BORCS5: variants seen among roughly 807,000 people sequenced by gnomAD.
The protein encoded by BORCS5 is BLOC-1-related complex subunit 5.
In BORCS5, 17 loss-of-function variants were observed where a neutral mutation model predicts 22.1. The ratio of observed to expected loss-of-function variants is 0.77; its 90% CI spans 0.53 to 1.15. The LOEUF (loss-of-function observed/expected upper bound fraction) is 1.15, where lower values mean the gene tolerates loss of function less well. Among genes scored for constraint, BORCS5 ranks in the 50% most tolerant of loss-of-function variants. The pLI is 0.00. For synonymous variants in BORCS5, 117 were observed against 99.8 expected, an observed-to-expected ratio of 1.17 and a Z score of -1.03; for missense variants, 247 against 253.2, an observed-to-expected ratio of 0.98 and a Z score of 0.17.
chr12:12,367,740 G>A (rs529660567), intron 2 of BORCS5, among the ~76,000 whole-genome samples: 1 of 152,310 alleles, frequency 6.6e-6, no homozygotes, highest in African/African-American at 2.4e-5. Flanking sequence ...CTGTGTGCCT[G>A]CATCCATTCT....
In BORCS5 at chr12:12,462,660, T is replaced by TTGTATTTA. The variant is rs1555159381; in HGVS notation, c.361-2885_361-2884insGTATTTAT. Among the ~76,000 whole-genome samples the TTGTATTTA allele has an allele frequency of 2.6e-5, 4 of 150,952 alleles. No individual in the cohort carries two copies. The East Asian group carries it at 7.7e-4, about 29-fold the overall frequency. On this transcript the variant is annotated intron_variant, in intron 3 of 3. Transcript: ENST00000314565. ...CCTGTCTGAAGCTGGATTTATTTTATTTTATTTATTTTTGGAGATGGAGTC... is the reference window on the plus strand; with the variant it reads ...CCTGTCTGAAGCTGGATTTATTTTATTGTATTTATTTATTTATTTTTGGAGATGGAGTC...
intron 2 of BORCS5, among the ~76,000 whole-genome samples, chr12:12,433,840 C>T (rs2136122907): frequency 6.6e-6 from 1 of 152,304 alleles, no homozygotes; most frequent in South Asian, 2.1e-4. Context: ...AGAGCATCGA[C>T]CAGCATTTCC....
At chr12:12,426,277 C>T (rs986793889) in intron 2 of BORCS5, among the ~76,000 whole-genome samples, 4 of 152,186 alleles carry the variant, frequency 2.6e-5, no homozygotes, top group African/African-American at 7.2e-5. Flanking sequence ...GCTATATTGC[C>T]GAGGCTGGCT....
chr12:12,390,027 C>T (rs1941132000), intron 2 of BORCS5, among the ~76,000 whole-genome samples: 1 of 152,080 alleles, frequency 6.6e-6, no homozygotes. Context: ...TTTGCTTTCC[C>T]ACCTCTAAAC....
At chr12:12,437,332 G>A (rs1445676034) in intron 3 of BORCS5, among the ~76,000 whole-genome samples, 1 of 152,162 alleles carries the variant, frequency 6.6e-6, no homozygotes, top group African/African-American at 2.4e-5. Context: ...TGATTGTGAT[G>A]CCTCCCCAGC....
chr12:12,396,245 C>T (rs1941340047), intron 2 of BORCS5, among the ~76,000 whole-genome samples: 1 of 151,306 alleles, frequency 6.6e-6, no homozygotes, highest in South Asian at 2.1e-4. Flanking sequence ...CCTCGGCCTC[C>T]CGAAGTGCTA....
At chr12:12,360,748 TCTCA>T (rs538716411) in intron 1 of BORCS5, among the ~76,000 whole-genome samples, 56 of 151,392 alleles carry the variant, frequency 3.7e-4, no homozygotes, top group Non-Finnish European at 7.8e-4. Flanking sequence ...TGAGACAGAG[TCTCA>T]CTCTGTTGCC....
At chr12:12,399,113 C>G (rs1033013941) in intron 2 of BORCS5, among the ~76,000 whole-genome samples, 1 of 152,126 alleles carries the variant, frequency 6.6e-6, no homozygotes, top group African/African-American at 2.4e-5. Flanking sequence ...ATGTGTTTTA[C>G]AGTATTACTA....
At chr12:12,371,635 T>C (rs1476273264) in intron 2 of BORCS5, among the ~76,000 whole-genome samples, 2 of 152,198 alleles carry the variant, frequency 1.3e-5, no homozygotes, top group Admixed American at 1.3e-4. Flanking sequence ...CACACTAATA[T>C]GTTCTCTATG....
intron 3 of BORCS5, among the ~76,000 whole-genome samples, chr12:12,440,584 C>T (rs1456314402): frequency 4.4e-5 from 6 of 135,676 alleles, no homozygotes; most frequent in Non-Finnish European, 4.6e-5. Context: ...CTGGAGCAGA[C>T]GGGGTTTAAG....
chr12:12,445,473 ATTTCTATCTTGAACATGCATTGC>A (rs1231527923), intron 3 of BORCS5, among the ~76,000 whole-genome samples: 1 of 49,630 alleles, frequency 2.0e-5, no homozygotes, highest in Non-Finnish European at 4.5e-5. Context: ...ATTTTACAAG[ATTTCTATCTTGAACATGCATTGC>A]TTTTTTTTTT....
intron 3 of BORCS5, among the ~76,000 whole-genome samples, chr12:12,438,374 A>AAAAAAAAAAAAAAAAAAAAC (rs1555156024): frequency 1.6e-5 from 2 of 125,046 alleles, no homozygotes; most frequent in African/African-American, 7.5e-5. Flanking sequence ...AAAAAAAAAA[A>AAAAAAAAAAAAAAAAAAAAC]AAAAAACGAA....
At chr12:12,441,694 C>T (rs950270966) in intron 3 of BORCS5, among the ~76,000 whole-genome samples, 1 of 149,250 alleles carries the variant, frequency 6.7e-6, no homozygotes, top group African/African-American at 2.5e-5. Context: ...AGTATAAGCA[C>T]TAAATAGAGG....
At chr12:12,374,801 C>G (rs1010688773) in intron 2 of BORCS5, among the ~76,000 whole-genome samples, 1 of 151,374 alleles carries the variant, frequency 6.6e-6, no homozygotes, top group Admixed American at 6.6e-5. Flanking sequence ...CCACTAAAGA[C>G]AAAAAAATTA....
At position 12,380,391 on chromosome 12, in the gene BORCS5, T is replaced by G. The variant is rs142563302; in HGVS notation, c.202+19042T>G. Among the ~76,000 whole-genome samples the G allele has an allele frequency of 2.7e-3, 402 of 151,504 alleles. 8 individuals carry two copies. Among genetic ancestry groups the G allele is most frequent in the Non-Finnish European group, 4.2e-3 (287 of 67,686 alleles). ...GAAGATGGCTTGATCTAATCAGAGA[T>G]AAAAAGAGATGAATGAGGACCATAT... On this transcript the variant is annotated intron_variant, in intron 2 of 3. Coordinates refer to ENST00000314565, the MANE Select transcript of BORCS5 (RefSeq NM_058169.6).
At chr12:12,452,276 A>G in intron 3 of BORCS5, 1 of 785,096 alleles carries the variant, frequency 1.3e-6, no homozygotes, top group East Asian at 3.4e-5. Flanking sequence ...CAATTTGTGT[A>G]ACAATCCCAT....
At chr12:12,386,467 T>TTTTA (rs398018451) in intron 2 of BORCS5, among the ~76,000 whole-genome samples, 2 of 149,888 alleles carry the variant, frequency 1.3e-5, no homozygotes, top group African/African-American at 4.9e-5. Context: ...TTTTTTTTTT[T>TTTTA]ATTTGTTCTA....
intron 2 of BORCS5, among the ~76,000 whole-genome samples, chr12:12,415,017 T>C (rs1232895737): frequency 1.6e-5 from 2 of 122,162 alleles, no homozygotes; most frequent in South Asian, 2.6e-4. Context: ...CGCTCCTCGC[T>C]TCCTAGATGG....
At chr12:12,396,406 A>G (rs1373286030) in intron 2 of BORCS5, among the ~76,000 whole-genome samples, 3 of 152,178 alleles carry the variant, frequency 2.0e-5, no homozygotes, top group Admixed American at 1.3e-4. Flanking sequence ...TTTTCTGGCC[A>G]TGGCGGAGAG....
Sources: allele counts gnomAD v4.1 joint callset (sites outside exome capture counted in the v4.1 genomes callset), GRCh38; gene constraint gnomAD v4.1.1; transcripts MANE v1.5; gene names NCBI Gene and HGNC (gene_info 2026-07-23, HGNC 2026-07-21).